Variants in SPRY2 observed in about 807,000 individuals in gnomAD.
SPRY2 encodes protein sprouty homolog 2.
A neutral mutation model predicts 23.4 loss-of-function variants in SPRY2; 10 were observed. That is an observed-to-expected ratio of 0.43 (90% CI 0.26 to 0.73). SPRY2 has a LOEUF of 0.73. Ranked by LOEUF, SPRY2 falls within the 30% of genes least tolerant of loss-of-function variation. The probability of loss-of-function intolerance (pLI) is 0.22; values close to 1 mark genes in which losing one functional copy is unlikely to be tolerated. For missense variants in SPRY2, 344 were observed against 396.9 expected, an observed-to-expected ratio of 0.87 and a Z score of 1.13; for synonymous variants, 170 against 156.9, an observed-to-expected ratio of 1.08 and a Z score of -0.62.
At chr13:80,340,362 A>G (rs1880465768) in intron 1 of SPRY2, among the ~76,000 whole-genome samples, 1 of 152,202 alleles carries the variant, frequency 6.6e-6, no homozygotes, top group Non-Finnish European at 1.5e-5. Context: ...AACCCCCTAG[A>G]GCGCGGGCGC....
In SPRY2 at chr13:80,336,960, C is replaced by A; in HGVS notation, c.746G>T (p.Cys249Phe). Reference protein sequence around the residue: ...DNPCSCSQSHCCTRWSAMGVM... With the variant: ...DNPCSCSQSHFCTRWSAMGVM... The stretch of plus-strand genomic sequence containing the variant: ...ACCCATGGCTGACCATCGTGTACAA[C>A]AGTGAGACTGGCTGCAAGAACATGG... The change falls in exon 2 of 2, where the codon TGT (cysteine) becomes TTT (phenylalanine). Residue 249 changes from cysteine (C) to phenylalanine (F), a missense_variant. Coordinates refer to ENST00000377104, the MANE Select transcript of SPRY2 (RefSeq NM_005842.4). 1 of 1,614,220 alleles carries A rather than the reference C, an allele frequency of 6.2e-7. No individual in the cohort carries two copies. Among genetic ancestry groups the A allele is most frequent in the East Asian group, 2.2e-5 (1 of 44,876 alleles).
In SPRY2 at chr13:80,337,673, C is replaced by T. The variant is rs145173125; in HGVS notation, c.33G>A (p.Ser11=). The part of the protein sequence containing the change: MEARAQSGNG[S]QPLLQTPRDG... ...CACGGGGCGTCTGCAGCAAGGGCTG[C>T]GACCCGTTGCCACTCTGAGCTCTGG... The change falls in exon 2 of 2, where the codon TCG becomes TCA. Residue 11 remains serine, a synonymous_variant. Transcript: ENST00000377104. The T allele has an allele frequency of 1.2e-5, 19 of 1,612,636 alleles. No homozygotes were observed. Among genetic ancestry groups the T allele is most frequent in the East Asian group, 6.7e-5 (3 of 44,878 alleles).
In SPRY2 at chr13:80,336,739, A is replaced by G; in HGVS notation, c.*19T>C. On this transcript the variant is annotated 3_prime_UTR_variant, in exon 2 of 2. Transcript: ENST00000377104. ...GAAAGAAAAAATCCTCATTACTGTA[A>G]TATTCCTGATTAATGATGCTATGTT... 5.0e-6 allele frequency: 8 copies of G among 1,606,378 alleles called. No individual in the cohort carries two copies. Among genetic ancestry groups the G allele is most frequent in the Non-Finnish European group, 6.8e-6 (8 of 1,174,044 alleles).
intron 1 of SPRY2, chr13:80,339,392 A>C (rs975219840): frequency 6.6e-6 from 1 of 151,960 alleles, no homozygotes; most frequent in Non-Finnish European, 1.5e-5. Context: ...AAAAAAAGAT[A>C]TCATATTTCT....
At chr13:80,340,077 C>T (rs940342622) in intron 1 of SPRY2, among the ~76,000 whole-genome samples, 18 of 152,152 alleles carry the variant, frequency 1.2e-4, no homozygotes, top group South Asian at 8.3e-4. Flanking sequence ...CGGGCACTCC[C>T]TCCACCCGGC....
In SPRY2 at chr13:80,336,743, T is replaced by A. The variant is rs1373948111; in HGVS notation, c.*15A>T. 1 of 1,608,862 alleles carries A rather than the reference T, an allele frequency of 6.2e-7. No homozygotes were observed. Among genetic ancestry groups the A allele is most frequent in the Non-Finnish European group, 8.5e-7 (1 of 1,175,990 alleles). On this transcript the variant is annotated 3_prime_UTR_variant, in exon 2 of 2. Coordinates refer to ENST00000377104, the MANE Select transcript of SPRY2 (RefSeq NM_005842.4). ...GAAAAAATCCTCATTACTGTAATAT[T>A]CCTGATTAATGATGCTATGTTGGTT...
intron 1 of SPRY2, 60 bp from the exon 2 acceptor site, chr13:80,337,816 A>G: frequency 1.1e-6 from 1 of 932,916 alleles, no homozygotes; most frequent in Admixed American, 2.0e-5. Context: ...CTCTCCACCC[A>G]CCTGAATTGA....
In SPRY2 at chr13:80,337,501, G is replaced by C; in HGVS notation, c.205C>G (p.Pro69Ala). ...TGCTGAGTGGAGGGGCGAGGAGCAGGCTTGAGCCCAGGTCTTGGGACGACA... is the reference window on the plus strand; with the variant it reads ...TGCTGAGTGGAGGGGCGAGGAGCAGCCTTGAGCCCAGGTCTTGGGACGACA... ...PTVVPRPGLK[P>A]APRPSTQHKH... The change falls in exon 2 of 2, where the codon CCT becomes GCT. Residue 69 changes from proline to alanine, a missense_variant. Pro to Ala is a conservative substitution (Grantham distance 27). Coordinates refer to ENST00000377104, the MANE Select transcript of SPRY2 (RefSeq NM_005842.4). 6.2e-7 allele frequency: 1 copy of C among 1,614,206 alleles called. No homozygotes were observed. The highest frequency in any genetic ancestry group is 8.5e-7 in the Non-Finnish European group (1 of 1,180,040).
At position 80,337,381 on chromosome 13, in the gene SPRY2, T is replaced by A; in HGVS notation, c.325A>T (p.Arg109Ter). The change falls in exon 2 of 2, where the codon AGA (arginine) becomes TGA (stop). Residue 109 changes from arginine to a stop codon, truncating the protein, a stop_gained. Coordinates refer to ENST00000377104, the MANE Select transcript of SPRY2 (RefSeq NM_005842.4). LOFTEE classifies it high-confidence loss of function. ...CCTGAGCTGACCGTGCTTATGGATC[T>A]GGACAGAGGGGCTCGTGCAGAAGAA... ...VHSSARAPLS[R>*]SISTVSSGSR... is the part of the protein sequence containing the mutation. 6.2e-7 allele frequency: 1 copy of A among 1,614,150 alleles called. No homozygotes were observed. The highest frequency in any genetic ancestry group is 8.5e-7 in the Non-Finnish European group (1 of 1,180,014).
At position 80,336,632 on chromosome 13, in the gene SPRY2, A is replaced by T. The variant is rs942190859; in HGVS notation, c.*126T>A. 1.9e-6 allele frequency: 2 copies of T among 1,035,970 alleles called. No individual in the cohort carries two copies. The highest frequency in any genetic ancestry group is 2.8e-5 in the South Asian group (2 of 71,294). 64.2% of individuals were successfully genotyped at this position (1,035,970 alleles called of 1,614,324 possible). A position where few individuals can be genotyped will look rare whatever the true frequency, so the allele number is the denominator to read the frequency against. On this transcript the variant is annotated 3_prime_UTR_variant, in exon 2 of 2. Coordinates refer to ENST00000377104, the MANE Select transcript of SPRY2 (RefSeq NM_005842.4). ...CATGGACAAAAAGCATTTCACCGCA[A>T]ACAGCAAAGACTATCCCACCTTTCT...
Position 80,337,181 on chromosome 13 carries a change from G to C in SPRY2, c.525C>G (p.Ala175=). ...PLSKEDLGLH[A]YRCEDCGKCK... is the part of the protein sequence containing the mutation. ...ACTTGCCACAGTCCTCACACCTGTA[G>C]GCGTGCAGGCCCAAATCTTCCTTGC... Residue 175 remains alanine (A), a synonymous_variant, in exon 2 of 2, where the codon GCC becomes GCG. Coordinates refer to ENST00000377104, the MANE Select transcript of SPRY2 (RefSeq NM_005842.4). 2 of 1,612,938 alleles carry C rather than the reference G, an allele frequency of 1.2e-6. No homozygotes were observed. The highest frequency in any genetic ancestry group is 1.7e-6 in the Non-Finnish European group (2 of 1,178,988).
At position 80,336,744 on chromosome 13, in the gene SPRY2, C is replaced by T; in HGVS notation, c.*14G>A. 1.9e-6 allele frequency: 3 copies of T among 1,609,486 alleles called. No homozygotes were observed. Among genetic ancestry groups the T allele is most frequent in the Non-Finnish European group, 2.5e-6 (3 of 1,176,588 alleles). On this transcript the variant is annotated 3_prime_UTR_variant, in exon 2 of 2. Coordinates refer to ENST00000377104, the MANE Select transcript of SPRY2 (RefSeq NM_005842.4). ...AAAAAATCCTCATTACTGTAATATT[C>T]CTGATTAATGATGCTATGTTGGTTT...
rs988011406 is a variant in SPRY2, at chr13:80,340,860, C to T, written c.-290G>A. 6.6e-6 allele frequency: 1 copy of T among 152,226 alleles called. No individual in the cohort carries two copies. The highest frequency in any genetic ancestry group is 1.5e-5 in the Non-Finnish European group (1 of 68,036). The allele number at this position is 152,226 out of a possible 1,614,324, so 9.4% of individuals were successfully genotyped here. A position where few individuals can be genotyped will look rare whatever the true frequency, so the allele number is the denominator to read the frequency against. ...TTCTACAAGCGCACGCGGAGTATTT[C>T]CTCTTTTTTCTCAATGAACAAGAGG... On this transcript the variant is annotated 5_prime_UTR_variant, in exon 1 of 2. Transcript: ENST00000377104.
In SPRY2 at chr13:80,337,009, C is replaced by T; in HGVS notation, c.697G>A (p.Asp233Asn). 1 of 1,614,248 alleles carries T rather than the reference C, an allele frequency of 6.2e-7. No homozygotes were observed. The highest frequency in any genetic ancestry group is 8.5e-7 in the Non-Finnish European group (1 of 1,180,038). Residue 233 changes from aspartate (D) to asparagine (N), a missense_variant, in exon 2 of 2, where the codon GAT becomes AAT. Transcript: ENST00000377104. ...KGLFYHCSNDDEDNCADNPCS... is the reference protein window; with the variant it reads ...KGLFYHCSNDNEDNCADNPCS... ...GGGTTGTCAGCACAGTTGTCCTCAT[C>T]ATCATTAGAACAGTGATAGAAGAGA...
At chr13:80,337,814 C>T (rs1337252460) in intron 1 of SPRY2, 58 bp from the exon 2 acceptor site, 3 of 1,001,054 alleles carry the variant, frequency 3.0e-6, no homozygotes, top group Non-Finnish European at 4.6e-6. Flanking sequence ...CACTCTCCAC[C>T]CACCTGAATT....
At position 80,337,030 on chromosome 13, in the gene SPRY2, A is replaced by G; in HGVS notation, c.676T>C (p.Phe226Leu). ...GTCVCCVKGL[F>L]YHCSNDDEDN... ...TCATCATCATTAGAACAGTGATAGA[A>G]GAGACCTTTCACACAGCATACACAA... Residue 226 changes from phenylalanine (F) to leucine (L), a missense_variant, in exon 2 of 2, where the codon TTC (phenylalanine) becomes CTC (leucine). By Grantham distance (22) the Phe-to-Leu change is conservative (BLOSUM62 0). Transcript: ENST00000377104. The G allele has an allele frequency of 6.2e-7, 1 of 1,614,256 alleles. No homozygotes were observed. Among genetic ancestry groups the G allele is most frequent in the Non-Finnish European group, 8.5e-7 (1 of 1,180,056 alleles).
Position 80,337,451 on chromosome 13 carries a change from C to T in SPRY2, c.255G>A (p.Leu85=), listed in dbSNP as rs1188028270. 1.2e-6 allele frequency: 2 copies of T among 1,614,060 alleles called. No individual in the cohort carries two copies. Among genetic ancestry groups the T allele is most frequent in the Non-Finnish European group, 1.7e-6 (2 of 1,180,046 alleles). The change falls in exon 2 of 2, where the codon CTG becomes CTA. Residue 85 remains leucine (L), a synonymous_variant. Transcript: ENST00000377104. ...TQHKHERLHG[L]PEHRQPPRLQ... ...GCCTAGGAGGCTGGCGGTGCTCAGG[C>T]AGACCGTGGAGTCTCTCGTGTTTGT... is the stretch of plus-strand genomic sequence containing the variant.
Position 80,337,523 on chromosome 13 carries a change from G to A in SPRY2, c.183C>T (p.Val61=), listed in dbSNP as rs1566315852. The change falls in exon 2 of 2, where the codon GTC becomes GTT. Residue 61 remains valine, a synonymous_variant. Transcript: ENST00000377104. ...CAGGCTTGAGCCCAGGTCTTGGGACGACAGTAGGCCCCTCTGTGTACTCAT... is the reference window on the plus strand; with the variant it reads ...CAGGCTTGAGCCCAGGTCTTGGGACAACAGTAGGCCCCTCTGTGTACTCAT... ...NTNEYTEGPT[V]VPRPGLKPAP... 6.8e-6 allele frequency: 11 copies of A among 1,614,176 alleles called. No homozygotes were observed. Among genetic ancestry groups the A allele is most frequent in the Non-Finnish European group, 9.3e-6 (11 of 1,180,042 alleles).
In SPRY2 at chr13:80,336,809, A is replaced by T; in HGVS notation, c.897T>A (p.Val299=). ...GGGGGACAGTGGGAACTTTGCAGCA[A>T]ACTGTGTTTGAGTTTTTACAGCGGC... ...PGCRCKNSNT[V]CCKVPTVPPR... Residue 299 remains valine, a synonymous_variant, in exon 2 of 2, where the codon GTT becomes GTA. Coordinates refer to ENST00000377104, the MANE Select transcript of SPRY2 (RefSeq NM_005842.4). The T allele has an allele frequency of 6.2e-7, 1 of 1,614,152 alleles. No homozygotes were observed. Among genetic ancestry groups the T allele is most frequent in the Non-Finnish European group, 8.5e-7 (1 of 1,180,026 alleles).
Sources: allele counts gnomAD v4.1 joint callset (sites outside exome capture counted in the v4.1 genomes callset), GRCh38; gene constraint gnomAD v4.1.1; transcripts MANE v1.5; gene names NCBI Gene and HGNC (gene_info 2026-07-23, HGNC 2026-07-21).